B3GAT3: variants seen among roughly 807,000 people sequenced by gnomAD.
B3GAT3 encodes the protein beta-1,3-glucuronyltransferase 3.
In B3GAT3, 19 loss-of-function variants were observed where a neutral mutation model predicts 33.1. That is an observed-to-expected ratio of 0.57 (90% confidence interval 0.40 to 0.84). B3GAT3 has a LOEUF of 0.84. Ranked by LOEUF, B3GAT3 falls within the 40% of genes least tolerant of loss-of-function variation. The pLI, the probability that B3GAT3 is intolerant of heterozygous loss-of-function variation, is 0.00. For missense variants in B3GAT3, 344 were observed against 441.5 expected, an observed-to-expected ratio of 0.78 and a Z score of 1.98; for synonymous variants, 167 against 193.5, an observed-to-expected ratio of 0.86 and a Z score of 1.14.
chr11:62,620,745 C>T, intron 1 of B3GAT3, 74 bp from the exon 2 acceptor site: 3 of 1,417,926 alleles, frequency 2.1e-6, no homozygotes, highest in Non-Finnish European at 2.9e-6. Flanking sequence ...TCCCAAAGGG[C>T]CGTAATCGTC....
chr11:62,616,008 C>A lies in B3GAT3; in HGVS notation c.910-209G>T, dbSNP rs1159365347. On this transcript the variant is annotated intron_variant, in intron 4 of 4. Transcript: ENST00000265471. ...CCTGTAACCCCAGCACTTTGGGAGGCCGAGGAAGGCGGATCACGAGGTCAG... is the reference window on the plus strand; with the variant it reads ...CCTGTAACCCCAGCACTTTGGGAGGACGAGGAAGGCGGATCACGAGGTCAG... 18 of 1,408,634 alleles carry A rather than the reference C, an allele frequency of 1.3e-5. No individual in the cohort carries two copies. The East Asian group carries it at 4.5e-4, about 36-fold the overall frequency. The allele number at this position is 1,408,634 out of a possible 1,614,324, so 87.3% of individuals were successfully genotyped here.
Position 62,620,180 on chromosome 11 carries a change from C to T in B3GAT3, c.257+317G>A, listed in dbSNP as rs774691524. ...CTGGGATTATAGGCATGCGCCACCA[C>T]GCCTGGCTAATTTTGTATTTTTAGT... On this transcript the variant is annotated intron_variant, in intron 2 of 4. Coordinates refer to ENST00000265471, the MANE Select transcript of B3GAT3 (RefSeq NM_012200.4). 4.6e-5 allele frequency among the ~76,000 whole-genome samples: 7 copies of T among 152,200 alleles called. No individual in the cohort carries two copies. The East Asian group carries it at 5.8e-4, about 13-fold the overall frequency.
intron 2 of B3GAT3, 128 bp from the exon 3 acceptor site, chr11:62,617,475 C>A: frequency 7.7e-7 from 1 of 1,302,886 alleles, no homozygotes; most frequent in Non-Finnish European, 1.1e-6. Flanking sequence ...TGCCTAAACT[C>A]CCTCTTTCTT....
rs1185435989 is a variant in B3GAT3 at position 62,621,896 on chromosome 11, C to T, written c.52G>A (p.Ala18Thr). ...VFLAYFLVSIAGLLYALVQLG... is the reference protein window; with the variant it reads ...VFLAYFLVSITGLLYALVQLG... ...TGTACCAGCGCGTAGAGGAGGCCGG[C>T]GATCGACACCAGGAAGTAGGCGAGA... is the stretch of plus-strand genomic sequence containing the variant. The change falls in exon 1 of 5, where the codon GCC becomes ACC. Residue 18 changes from alanine to threonine, a missense_variant. Transcript: ENST00000265471. The T allele has an allele frequency of 6.2e-7, 1 of 1,612,738 alleles. No homozygotes were observed. Among genetic ancestry groups the T allele is most frequent in the South Asian group, 1.1e-5 (1 of 91,058 alleles).
At chr11:62,616,341 T>TC in intron 4 of B3GAT3, 165 bp downstream of exon 4, 1 of 1,033,412 alleles carries the variant, frequency 9.7e-7, no homozygotes, top group East Asian at 2.6e-5. Flanking sequence ...GAGACCACTT[T>TC]CCCCCGCTAG....
Position 62,615,808 on chromosome 11 carries a change from G to T in B3GAT3, c.910-9C>A. On this transcript the variant is annotated splice_polypyrimidine_tract_variant and intron_variant, in intron 4 of 4. Transcript: ENST00000265471. ...GTATGCCACACCAGTACCTGTGCCA[G>T]GAGGGATGCAGTGAGAGCCAGGCCC... 1 of 1,613,396 alleles carries T rather than the reference G, an allele frequency of 6.2e-7. No individual in the cohort carries two copies. Among genetic ancestry groups the T allele is most frequent in the Non-Finnish European group, 8.5e-7 (1 of 1,179,982 alleles).
chr11:62,616,809 G>C lies in B3GAT3; in HGVS notation c.619-13C>G. The C allele has an allele frequency of 6.2e-7, 1 of 1,613,770 alleles. No individual in the cohort carries two copies. The highest frequency in any genetic ancestry group is 8.5e-7 in the Non-Finnish European group (1 of 1,179,966). ...GGGTCCAGCGCATCTAACGGAGGTC[G>C]GGAGAGAAGAAACAGAGGGGTGGTC... On this transcript the variant is annotated splice_polypyrimidine_tract_variant and intron_variant, in intron 3 of 4. Coordinates refer to ENST00000265471, the MANE Select transcript of B3GAT3 (RefSeq NM_012200.4).
chr11:62,621,822 C>T, intron 1 of B3GAT3, 44 bp downstream of exon 1: 2 of 1,542,752 alleles, frequency 1.3e-6, no homozygotes, highest in South Asian at 2.4e-5. Flanking sequence ...CGGCGGCGGG[C>T]GCCCTCGGGC....
At chr11:62,620,427 C>T in intron 2 of B3GAT3, 70 bp downstream of exon 2, 1 of 1,490,672 alleles carries the variant, frequency 6.7e-7, no homozygotes, top group Non-Finnish European at 9.3e-7. Context: ...CCAGTGCCTC[C>T]CCAAACTCCT....
chr11:62,617,672 C>G (rs568106438), intron 2 of B3GAT3, among the ~76,000 whole-genome samples: 32 of 151,152 alleles, frequency 2.1e-4, no homozygotes, highest in African/African-American at 7.3e-4. Flanking sequence ...GTCTGGAGTT[C>G]CAGACCAGCC....
chr11:62,618,982 C>CG (rs1272779679), intron 2 of B3GAT3, among the ~76,000 whole-genome samples: 14 of 140,542 alleles, frequency 1.0e-4, no homozygotes, highest in African/African-American at 2.7e-4. Flanking sequence ...GACTCCATCT[C>CG]GGGAAAAAAA....
Position 62,617,788 on chromosome 11 carries a change from A to G in B3GAT3, c.258-441T>C, listed in dbSNP as rs139108839. Among the ~76,000 whole-genome samples the G allele has an allele frequency of 7.8e-3, 1,177 of 151,820 alleles. 12 individuals are homozygous for G. Among genetic ancestry groups the G allele is most frequent in the African/African-American group, 0.027 (1,135 of 41,334 alleles). On this transcript the variant is annotated intron_variant, in intron 2 of 4. Transcript: ENST00000265471. ...GCTACTTGGGAGGCTGAGGCAGGAG[A>G]ATCGCTTGAACCTGGAAGGAGGAGG...
intron 1 of B3GAT3, chr11:62,621,435 G>A (rs1943142219): frequency 2.4e-6 from 1 of 417,584 alleles, no homozygotes; most frequent in African/African-American, 2.0e-5. Context: ...CTCTGAGGAG[G>A]TGACATTTGA....
chr11:62,619,699 CTTT>C (rs5792264), intron 2 of B3GAT3, among the ~76,000 whole-genome samples: 1 of 85,712 alleles, frequency 1.2e-5, no homozygotes, highest in African/African-American at 4.9e-5. Flanking sequence ...GCCTAGCTAA[CTTT>C]TTTTTTTTTT....
chr11:62,616,446 C>T (rs1299625481), intron 4 of B3GAT3, 60 bp downstream of exon 4: 237 of 1,609,454 alleles, frequency 1.5e-4, no homozygotes, highest in Admixed American at 5.0e-5. Context: ...TCTCACTGTA[C>T]CTCCCCCATC....
Position 62,616,516 on chromosome 11 carries a change from T to G in B3GAT3, c.899A>C (p.Asn300Thr). Residue 300 changes from asparagine (N) to threonine (T), a missense_variant, in exon 4 of 5, where the codon AAC becomes ACC. Physicochemically the swap from Asn to Thr is moderately conservative, Grantham distance 65. Transcript: ENST00000265471. ...TCTCCATTCCCTTACCCGAGTGCAG[T>G]TGGCAGCCCGTGGCTCCAGGTCCTT... Reference protein sequence around the residue: ...DPKDLEPRAANCTRVLVWHTR... With the variant: ...DPKDLEPRAATCTRVLVWHTR... 4 of 1,614,188 alleles carry G rather than the reference T, an allele frequency of 2.5e-6. No homozygotes were observed. The highest frequency in any genetic ancestry group is 3.4e-6 in the Non-Finnish European group (4 of 1,180,042).
chr11:62,618,148 G>A (rs1478710378), intron 2 of B3GAT3, among the ~76,000 whole-genome samples: 1 of 112,430 alleles, frequency 8.9e-6, no homozygotes, highest in Non-Finnish European at 1.6e-5. Flanking sequence ...CTGCACTCCA[G>A]CCTGAGCGAC....
intron 2 of B3GAT3, 71 bp from the exon 3 acceptor site, chr11:62,617,418 C>T: frequency 6.3e-7 from 1 of 1,595,792 alleles, no homozygotes; most frequent in South Asian, 1.1e-5. Flanking sequence ...GGGCAGACAG[C>T]TTCTCCTGGG....
Position 62,620,831 on chromosome 11 carries a change from A to C in B3GAT3, c.83-160T>G, listed in dbSNP as rs145899713. Reference sequence around the variant, plus strand: ...CTTTTCTATACCTCTCGTGTGGGAAACTCACTGCCTCAAGCAGCAGACCCT... The same window carrying C: ...CTTTTCTATACCTCTCGTGTGGGAACCTCACTGCCTCAAGCAGCAGACCCT... On this transcript the variant is annotated intron_variant, in intron 1 of 4. Transcript: ENST00000265471. Among the ~76,000 whole-genome samples the C allele has an allele frequency of 3.9e-5, 6 of 152,216 alleles. No individual in the cohort carries two copies. The East Asian group carries it at 1.2e-3, about 29-fold the overall frequency.
Sources: allele counts gnomAD v4.1 joint callset (sites outside exome capture counted in the v4.1 genomes callset), GRCh38; gene constraint gnomAD v4.1.1; transcripts MANE v1.5; gene names NCBI Gene and HGNC (gene_info 2026-07-23, HGNC 2026-07-21).